The following RBFOX3 variants were observed in gnomAD, a reference collection of about 807,000 sequenced individuals.
RBFOX3 encodes the protein RNA binding fox-1 homolog 3, also known as RNA binding protein fox-1 homolog 3.
In RBFOX3, 17 loss-of-function variants were observed where a neutral mutation model predicts 48.7. The ratio of observed to expected loss-of-function variants is 0.35; its 90% CI spans 0.24 to 0.52. The LOEUF (loss-of-function observed/expected upper bound fraction) is 0.52, where lower values mean the gene tolerates loss of function less well. Ranked by LOEUF, RBFOX3 falls within the 20% of genes least tolerant of loss-of-function variation. The pLI is 0.94. For missense variants in RBFOX3, 382 were observed against 497.5 expected, an observed-to-expected ratio of 0.77 and a Z score of 2.21; for synonymous variants, 212 against 209.5, an observed-to-expected ratio of 1.01 and a Z score of -0.10.
At chr17:79,097,052 G>C (rs2075417226) in intron 11 of RBFOX3, among the ~76,000 whole-genome samples, 1 of 152,064 alleles carries the variant, frequency 6.6e-6, no homozygotes, top group Admixed American at 6.5e-5. Context: ...TCCAGACAAG[G>C]TTCTGGGGCT....
intron 2 of RBFOX3, among the ~76,000 whole-genome samples, chr17:79,356,633 T>A (rs4790028): frequency 0.14 from 21,040 of 151,662 alleles, 1,568 homozygotes; most frequent in East Asian, 0.21. Context: ...CCTCCCAAAG[T>A]GCTAGGATTA....
At chr17:79,616,943 C>T in the RBFOX3 span, among the ~76,000 whole-genome samples, 1 of 152,182 alleles carries the variant, frequency 6.6e-6, no homozygotes, top group South Asian at 2.1e-4. Flanking sequence ...GTCACAGGGC[C>T]GGGCTGTGCT....
chr17:79,393,880 G>A (rs2061663748), intron 2 of RBFOX3, among the ~76,000 whole-genome samples: 1 of 151,554 alleles, frequency 6.6e-6, no homozygotes, highest in South Asian at 2.1e-4. Context: ...CACATCATCT[G>A]AGCCATTCAT....
rs73999991 is a variant in RBFOX3, at chr17:79,299,418, A to C, written c.-74+8306T>G. Among the ~76,000 whole-genome samples, 3,929 of 152,312 alleles carry C rather than the reference A, an allele frequency of 0.026. 162 individuals carry two copies. The highest frequency in any genetic ancestry group is 0.09 in the African/African-American group (3,731 of 41,550). The stretch of plus-strand genomic sequence containing the variant: ...ACAGGTCAAAAGTATTAGAAAAATA[A>C]ATAAAAATAATGATACAACAATACA... On this transcript the variant is annotated intron_variant, in intron 3 of 14. Transcript: ENST00000693108. The surrounding 1 kb of genome is among the most constrained non-coding windows in gnomAD (Gnocchi z 4.5).
chr17:79,351,047 C>T (rs1304318598), intron 2 of RBFOX3, among the ~76,000 whole-genome samples: 6 of 152,172 alleles, frequency 3.9e-5, no homozygotes, highest in East Asian at 1.9e-4. Context: ...CTGTTTCACC[C>T]GACGTAATGT....
Position 79,421,789 on chromosome 17 carries a change from T to G in RBFOX3, c.-175+60665A>C, listed in dbSNP as rs2066432302. 6.6e-6 allele frequency among the ~76,000 whole-genome samples: 1 copy of G among 152,022 alleles called. No individual in the cohort carries two copies. Among genetic ancestry groups the G allele is most frequent in the African/African-American group, 2.4e-5 (1 of 41,382 alleles). ...GTGGTGGGGAGGTCTCCTTGAGGCC[T>G]TGGGACAAGGGCAGAGAGAGAGAAG... On this transcript the variant is annotated intron_variant, in intron 2 of 14. Transcript: ENST00000693108. This position sits in a 1 kb window ranked among gnomAD's most constrained non-coding sequence, Gnocchi z 4.5.
At chr17:79,649,577 A>C in the RBFOX3 span, among the ~76,000 whole-genome samples, 1 of 152,192 alleles carries the variant, frequency 6.6e-6, no homozygotes, top group Non-Finnish European at 1.5e-5. Flanking sequence ...ATGATGGCGG[A>C]GGCCTGTAAT....
intron 2 of RBFOX3, among the ~76,000 whole-genome samples, chr17:79,318,196 G>A (rs1348412594): frequency 6.6e-6 from 1 of 152,108 alleles, no homozygotes; most frequent in Non-Finnish European, 1.5e-5. Flanking sequence ...AGCATTTTGG[G>A]CCTGAAGATC....
At position 79,115,685 on chromosome 17, in the gene RBFOX3, GGTACT is replaced by G; in HGVS notation, c.26_30del (p.Gln9ProfsTer123). 1 of 574,782 alleles carries G rather than the reference GGTACT, an allele frequency of 1.7e-6. No homozygotes were observed. Among genetic ancestry groups the G allele is most frequent in the Non-Finnish European group, 2.9e-6 (1 of 347,146 alleles). 35.6% of individuals were successfully genotyped at this position (574,782 alleles called of 1,614,324 possible). A position where few individuals can be genotyped will look rare whatever the true frequency, so the allele number is the denominator to read the frequency against. On this transcript the variant is annotated frameshift_variant, in exon 5 of 15. Coordinates refer to ENST00000693108, the MANE Select transcript of RBFOX3 (RefSeq NM_001350451.2). LOFTEE classifies it high-confidence loss of function. ...GGGATGCCGTTCTGTGGCGGAGGGG[GGTACT>G]GGGCGGGGGGGTAGGGCTGGGCCAT...
intron 3 of RBFOX3, among the ~76,000 whole-genome samples, chr17:79,275,647 C>G (rs55757333): frequency 0.19 from 28,533 of 152,176 alleles, 2,833 homozygotes; most frequent in East Asian, 0.22. Context: ...GTGCCTGGCT[C>G]TCTGCCAGAT....
Position 79,481,012 on chromosome 17 carries a change from C to T in RBFOX3, c.-175+1442G>A, listed in dbSNP as rs975290396. On this transcript the variant is annotated intron_variant, in intron 2 of 14. Transcript: ENST00000693108. The surrounding 1 kb of genome is among the most constrained non-coding windows in gnomAD (Gnocchi z 5.4). Reference sequence around the variant, plus strand: ...TAGGGCAGTCTGGATGGATGAGCTACGGCAAGAAGACCCCAAGGAGCCCTG... The same window carrying T: ...TAGGGCAGTCTGGATGGATGAGCTATGGCAAGAAGACCCCAAGGAGCCCTG... 9.2e-5 allele frequency among the ~76,000 whole-genome samples: 14 copies of T among 152,108 alleles called. No individual in the cohort carries two copies. The highest frequency in any genetic ancestry group is 1.5e-4 in the Non-Finnish European group (10 of 68,028).
At chr17:79,555,559 G>A (rs2091639443) in intron 1 of RBFOX3, among the ~76,000 whole-genome samples, 2 of 1,278 alleles carry the variant, frequency 1.6e-3, no homozygotes, top group South Asian at 0.031. Flanking sequence ...GGTGATGATG[G>A]TAGTTGTGGT....
chr17:79,538,419 G>A (rs888290590), intron 1 of RBFOX3, among the ~76,000 whole-genome samples: 4 of 152,224 alleles, frequency 2.6e-5, no homozygotes, highest in African/African-American at 7.2e-5. Context: ...ATGAGGCACC[G>A]CCCTGGAGTG....
At chr17:79,522,357 C>T (rs2086222314) in intron 1 of RBFOX3, among the ~76,000 whole-genome samples, 1 of 152,122 alleles carries the variant, frequency 6.6e-6, no homozygotes, top group Non-Finnish European at 1.5e-5. Flanking sequence ...CCTCAAAAAC[C>T]ATCCTCAGGA....
At chr17:79,349,075 G>A (rs2083406165) in intron 2 of RBFOX3, among the ~76,000 whole-genome samples, 1 of 152,038 alleles carries the variant, frequency 6.6e-6, no homozygotes, top group Non-Finnish European at 1.5e-5. Context: ...GCCAAGTCCA[G>A]TAAGTTCTGT....
chr17:79,318,299 T>A lies in RBFOX3; in HGVS notation c.-174-10475A>T, dbSNP rs539329406. ...GAGGTCTGTGTGCTTCACCCAAAAC[T>A]CCAGCACGGAGGATGCTGCTGAGCC... is the stretch of plus-strand genomic sequence containing the variant. On this transcript the variant is annotated intron_variant, in intron 2 of 14. Coordinates refer to ENST00000693108, the MANE Select transcript of RBFOX3 (RefSeq NM_001350451.2). Among the ~76,000 whole-genome samples, 24 of 152,088 alleles carry A rather than the reference T, an allele frequency of 1.6e-4. No individual in the cohort carries two copies. In the South Asian group the frequency reaches 2.1e-3, roughly 13 times the overall value.
chr17:79,196,559 T>G lies in RBFOX3; in HGVS notation c.-34+39207A>C, dbSNP rs184575813. On this transcript the variant is annotated intron_variant, in intron 4 of 14. Transcript: ENST00000693108. Reference sequence around the variant, plus strand: ...TGGTAATTAATTCAACAAATACTTATTGAGTTTCCCCAAGTGCCTGGTTTT... The same window carrying G: ...TGGTAATTAATTCAACAAATACTTAGTGAGTTTCCCCAAGTGCCTGGTTTT... Among the ~76,000 whole-genome samples, 364 of 152,346 alleles carry G rather than the reference T, an allele frequency of 2.4e-3. 2 individuals are homozygous for G. The highest frequency in any genetic ancestry group is 8.3e-3 in the African/African-American group (345 of 41,586).
chr17:79,658,300 C>T, the RBFOX3 span, among the ~76,000 whole-genome samples: 1 of 144,914 alleles, frequency 6.9e-6, no homozygotes. Context: ...ACCCTTCCCT[C>T]TCTCCCTCTC....
chr17:79,253,218 G>A (rs1030127567), intron 3 of RBFOX3, among the ~76,000 whole-genome samples: 5 of 152,114 alleles, frequency 3.3e-5, no homozygotes, highest in African/African-American at 1.2e-4. Flanking sequence ...AAAGCCAGAC[G>A]GGGCTCATCT....
Sources: gnomAD v4.1 joint callset for allele counts (sites outside exome capture counted in the v4.1 genomes callset) on GRCh38, gnomAD v4.1.1 for gene constraint, Gnocchi (gnomAD v3.1) non-coding constraint, MANE v1.5 for transcripts, NCBI Gene and HGNC (gene_info 2026-07-23, HGNC 2026-07-21) for gene names.